Variants in TBC1D9 observed in about 807,000 individuals in gnomAD.
The protein encoded by TBC1D9 is TBC1 domain family member 9.
Under a neutral mutation model 132.0 loss-of-function variants are expected in TBC1D9, and 63 were observed. That is an observed-to-expected ratio of 0.48 (90% CI 0.39 to 0.59). The LOEUF (loss-of-function observed/expected upper bound fraction) is 0.59. TBC1D9 is among the 20% of genes least tolerant of loss of function. The probability of loss-of-function intolerance (pLI) is 0.00; values close to 1 mark genes in which losing one functional copy is unlikely to be tolerated. For synonymous variants in TBC1D9, 610 were observed against 609.9 expected, an observed-to-expected ratio of 1.00 and a Z score of 0.00; for missense variants, 1,261 against 1,592.7, an observed-to-expected ratio of 0.79 and a Z score of 3.54.
intron 1 of TBC1D9, among the ~76,000 whole-genome samples, chr4:140,714,661 G>A (rs1738302548): frequency 6.6e-6 from 1 of 152,138 alleles, no homozygotes; most frequent in South Asian, 2.1e-4. Context: ...CCTGAAAAGG[G>A]AAGACTTTCT....
chr4:140,719,626 G>A lies in TBC1D9; in HGVS notation c.131-18012C>T, dbSNP rs377525084. Among the ~76,000 whole-genome samples the A allele has an allele frequency of 2.6e-5, 4 of 152,170 alleles. No individual in the cohort carries two copies. In the East Asian group the frequency reaches 7.7e-4, roughly 29 times the overall value. On this transcript the variant is annotated intron_variant, in intron 1 of 20. Transcript: ENST00000442267. ...ATCATGAAATAGACACTGAGCACCT[G>A]TGGAGAGGAAGCTTTGCTGGGCACT...
In TBC1D9 at chr4:140,695,782, T is replaced by G. The variant is rs541635771; in HGVS notation, c.241+5722A>C. Among the ~76,000 whole-genome samples, 10 of 152,210 alleles carry G rather than the reference T, an allele frequency of 6.6e-5. No homozygotes were observed. In the East Asian group the frequency reaches 1.9e-3, roughly 29 times the overall value. On this transcript the variant is annotated intron_variant, in intron 2 of 20. Coordinates refer to ENST00000442267, the MANE Select transcript of TBC1D9 (RefSeq NM_015130.3). The stretch of plus-strand genomic sequence containing the variant: ...TCTCTGCTGCCTCTGGAACACCATA[T>G]CCAAAACAAGAGCTGCTGGTAGCAT...
At chr4:140,635,997 C>T (rs746684889) in intron 15 of TBC1D9, among the ~76,000 whole-genome samples, 2 of 152,166 alleles carry the variant, frequency 1.3e-5, no homozygotes, top group Non-Finnish European at 2.9e-5. Flanking sequence ...TGAGCTACAT[C>T]GGTTGACAAA....
At chr4:140,657,481 G>C in intron 12 of TBC1D9, 46 bp downstream of exon 12, 1 of 1,557,526 alleles carries the variant, frequency 6.4e-7, no homozygotes, top group Non-Finnish European at 8.7e-7. Context: ...GAAAGCATGA[G>C]GAAGAAAACC....
At position 140,635,346 on chromosome 4, in the gene TBC1D9, G is replaced by C. The variant is rs545911354; in HGVS notation, c.2506-1158C>G. On this transcript the variant is annotated intron_variant, in intron 15 of 20. Coordinates refer to ENST00000442267, the MANE Select transcript of TBC1D9 (RefSeq NM_015130.3). ...AAAGTTTAAAAAGTAGCTGGGCATG[G>C]TGGCACATGCCTGTAGTCCCAGCTA... Among the ~76,000 whole-genome samples the C allele has an allele frequency of 3.0e-4, 46 of 152,212 alleles. No homozygotes were observed. In the South Asian group the frequency reaches 7.9e-3, roughly 26 times the overall value.
At chr4:140,625,701 A>G (rs546518512) in intron 18 of TBC1D9, among the ~76,000 whole-genome samples, 9 of 152,376 alleles carry the variant, frequency 5.9e-5, no homozygotes, top group African/African-American at 2.2e-4. Context: ...CTATATAGCC[A>G]TTTAAAAACC....
intron 1 of TBC1D9, among the ~76,000 whole-genome samples, chr4:140,754,514 C>T (rs1738973517): frequency 6.9e-6 from 1 of 145,334 alleles, no homozygotes; most frequent in African/African-American, 2.5e-5. Flanking sequence ...ACTCAGGAGG[C>T]TGAGGCAGGA....
intron 13 of TBC1D9, chr4:140,641,844 G>A (rs896411390): frequency 2.9e-5 from 9 of 313,898 alleles, no homozygotes; most frequent in Admixed American, 2.3e-4. Flanking sequence ...CCATCCGCAC[G>A]GGCCTCCTCA....
chr4:140,698,738 G>A (rs984646975), intron 2 of TBC1D9, among the ~76,000 whole-genome samples: 1 of 151,590 alleles, frequency 6.6e-6, no homozygotes, highest in Non-Finnish European at 1.5e-5. Flanking sequence ...ACTCCATCTC[G>A]GGGGTGGGGG....
intron 1 of TBC1D9, among the ~76,000 whole-genome samples, chr4:140,709,701 T>C (rs1738209113): frequency 1.3e-5 from 2 of 152,108 alleles, no homozygotes; most frequent in Admixed American, 6.5e-5. Flanking sequence ...TGGAAGACAA[T>C]TTTTCCATGG....
At chr4:140,644,890 G>A (rs1395461554) in intron 13 of TBC1D9, 17 of 436,948 alleles carry the variant, frequency 3.9e-5, no homozygotes, top group African/African-American at 8.3e-5. Context: ...CTGGTAGGGC[G>A]ACAGCAGGGA....
chr4:140,692,024 T>C (rs1455728647), intron 2 of TBC1D9, among the ~76,000 whole-genome samples: 1 of 152,234 alleles, frequency 6.6e-6, no homozygotes, highest in African/African-American at 2.4e-5. Context: ...TGATTCATAA[T>C]AAATTTTTTT....
In TBC1D9 at chr4:140,630,533, A is replaced by G. The variant is rs185388080; in HGVS notation, c.2747-2168T>C. On this transcript the variant is annotated intron_variant, in intron 16 of 20. Coordinates refer to ENST00000442267, the MANE Select transcript of TBC1D9 (RefSeq NM_015130.3). ...AAAAGAGCCTAAAATCTGTACTGACATAAGATGGTAGTTTAGGATGTTAGT... is the reference window on the plus strand; with the variant it reads ...AAAAGAGCCTAAAATCTGTACTGACGTAAGATGGTAGTTTAGGATGTTAGT... 3.6e-4 allele frequency among the ~76,000 whole-genome samples: 55 copies of G among 152,288 alleles called. No individual in the cohort carries two copies. In the East Asian group the frequency reaches 6.0e-3, roughly 17 times the overall value.
At chr4:140,679,582 CAA>C (rs1480894513) in intron 4 of TBC1D9, 31 bp downstream of exon 4, 1 of 1,546,838 alleles carries the variant, frequency 6.5e-7, no homozygotes, top group East Asian at 2.3e-5. Context: ...GTAGACTTTC[CAA>C]AGTTTCCTGC....
At chr4:140,699,500 A>G (rs1738030324) in intron 2 of TBC1D9, among the ~76,000 whole-genome samples, 2 of 152,196 alleles carry the variant, frequency 1.3e-5, no homozygotes, top group Non-Finnish European at 2.9e-5. Context: ...ATGGCCCTTT[A>G]TCTCTGTGAT....
intron 15 of TBC1D9, among the ~76,000 whole-genome samples, chr4:140,637,908 T>G (rs1409901610): frequency 6.6e-6 from 1 of 152,218 alleles, no homozygotes; most frequent in Admixed American, 6.5e-5. Context: ...TATTGAGAAC[T>G]AATCACTAAT....
At chr4:140,733,417 A>G (rs1738628228) in intron 1 of TBC1D9, among the ~76,000 whole-genome samples, 1 of 152,158 alleles carries the variant, frequency 6.6e-6, no homozygotes, top group Non-Finnish European at 1.5e-5. Flanking sequence ...AATCTGGGAG[A>G]TGTTTTCTAC....
At position 140,746,442 on chromosome 4, in the gene TBC1D9, G is replaced by A. The variant is rs185837650; in HGVS notation, c.130+9474C>T. On this transcript the variant is annotated intron_variant, in intron 1 of 20. Coordinates refer to ENST00000442267, the MANE Select transcript of TBC1D9 (RefSeq NM_015130.3). ...CATAGCTTTTATTAGATTTTCAAAT[G>A]GGGGGTGGTTATAAGAGGAAAATAA... is the stretch of plus-strand genomic sequence containing the variant. Among the ~76,000 whole-genome samples the A allele has an allele frequency of 7.9e-5, 12 of 152,034 alleles. No individual in the cohort carries two copies. The East Asian group carries it at 2.3e-3, about 29-fold the overall frequency.
intron 6 of TBC1D9, among the ~76,000 whole-genome samples, chr4:140,673,895 C>G (rs1737581475): frequency 6.6e-6 from 1 of 152,208 alleles, no homozygotes; most frequent in Admixed American, 6.5e-5. Flanking sequence ...CTAGTTGGCT[C>G]TAACACCCGG....
Sources: gnomAD v4.1 joint callset for allele counts (sites outside exome capture counted in the v4.1 genomes callset) on GRCh38, gnomAD v4.1.1 for gene constraint, MANE v1.5 for transcripts, NCBI Gene and HGNC (gene_info 2026-07-23, HGNC 2026-07-21) for gene names.